LCORL: variants seen among roughly 807,000 people sequenced by gnomAD.
LCORL encodes ligand-dependent nuclear receptor corepressor-like protein.
LCORL carries 41 observed loss-of-function variants against 141.8 expected under a neutral mutation model. The ratio of observed to expected loss-of-function variants is 0.29; its 90% CI spans 0.23 to 0.38. The LOEUF is 0.38. Ranked by LOEUF, LCORL falls within the 10% of genes least tolerant of loss-of-function variation. LCORL has a pLI of 1.00. For missense variants in LCORL, 1,759 were observed against 2,035.0 expected (o/e 0.86, Z 2.61); for synonymous variants, 618 against 694.1 (o/e 0.89, Z 1.72).
intron 4 of LCORL, among the ~76,000 whole-genome samples, chr4:17,920,493 T>C (rs1261714679): frequency 6.6e-6 from 1 of 152,202 alleles, no homozygotes; most frequent in Non-Finnish European, 1.5e-5. Flanking sequence ...TGATGGCTGC[T>C]GAAGGGTGGG....
At chr4:18,001,859 A>G (rs1722022710) in intron 1 of LCORL, among the ~76,000 whole-genome samples, 1 of 152,198 alleles carries the variant, frequency 6.6e-6, no homozygotes, top group Non-Finnish European at 1.5e-5. Context: ...ATTTTTTTTA[A>G]AAGTCTCCCA....
chr4:17,917,629 C>T (rs1426097199), intron 4 of LCORL, among the ~76,000 whole-genome samples: 4 of 152,198 alleles, frequency 2.6e-5, no homozygotes, highest in Non-Finnish European at 5.9e-5. Context: ...GCTTATTGAG[C>T]TAAGATTAAA....
At chr4:17,941,147 C>T (rs1167409154) in intron 4 of LCORL, among the ~76,000 whole-genome samples, 7 of 152,086 alleles carry the variant, frequency 4.6e-5, no homozygotes, top group African/African-American at 1.4e-4. Flanking sequence ...GAGGCCGAGA[C>T]GGGCAGATCA....
intron 4 of LCORL, among the ~76,000 whole-genome samples, chr4:17,923,297 G>A (rs1734587912): frequency 2.6e-5 from 4 of 152,212 alleles, no homozygotes; most frequent in African/African-American, 9.6e-5. Flanking sequence ...GCAGCTTGGG[G>A]AGTTAAAAAA....
intron 4 of LCORL, among the ~76,000 whole-genome samples, chr4:17,960,672 C>A (rs1713593505): frequency 1.3e-5 from 2 of 152,012 alleles, no homozygotes; most frequent in African/African-American, 4.8e-5. Flanking sequence ...CCCAGTCTGG[C>A]CTTGAACAAA....
intron 4 of LCORL, among the ~76,000 whole-genome samples, chr4:17,938,040 T>C (rs1737167445): frequency 6.7e-6 from 1 of 150,034 alleles, no homozygotes; most frequent in Non-Finnish European, 1.5e-5. Flanking sequence ...GTTTCGCTCT[T>C]GTTTGCCCAG....
At chr4:17,862,794 C>T (rs1469083635) in intron 7 of LCORL, among the ~76,000 whole-genome samples, 3 of 152,090 alleles carry the variant, frequency 2.0e-5, no homozygotes, top group Non-Finnish European at 2.9e-5. Flanking sequence ...AATGAAATAC[C>T]ATTCTAGACA....
rs114080047 is a variant in LCORL, at chr4:17,912,263, C to A, written c.431-2918G>T. 1.2e-3 allele frequency: 867 copies of A among 702,346 alleles called. 3 individuals carry two copies. The highest frequency in any genetic ancestry group is 0.011 in the African/African-American group (641 of 57,116). 43.5% of individuals were successfully genotyped at this position (702,346 alleles called of 1,614,324 possible). On this transcript the variant is annotated intron_variant, in intron 4 of 7. Coordinates refer to ENST00000635767, the Ensembl canonical transcript of LCORL. ...AACATTATGGGCTCCTGCAAGGTCA[C>A]TGATGAAACCAATGTCACTTGGCTG...
At chr4:17,911,945 C>A in intron 4 of LCORL, 1 of 579,754 alleles carries the variant, frequency 1.7e-6, no homozygotes, top group Non-Finnish European at 3.3e-6. Context: ...AATGGCCAGA[C>A]CATGCAAAGC....
At chr4:17,941,008 C>T (rs1441703391) in intron 4 of LCORL, among the ~76,000 whole-genome samples, 6 of 152,078 alleles carry the variant, frequency 3.9e-5, no homozygotes, top group African/African-American at 7.2e-5. Context: ...GAACAACCTG[C>T]CAAGCAAAAT....
intron 1 of LCORL, among the ~76,000 whole-genome samples, chr4:17,973,246 TA>T (rs1269648506): frequency 6.6e-6 from 1 of 151,776 alleles, no homozygotes; most frequent in African/African-American, 2.4e-5. Context: ...ATGTTTGTTT[TA>T]AAAAAGTAAA....
At chr4:17,958,434 C>T (rs1713111572) in intron 4 of LCORL, among the ~76,000 whole-genome samples, 1 of 151,912 alleles carries the variant, frequency 6.6e-6, no homozygotes, top group South Asian at 2.1e-4. Flanking sequence ...AAAGATGAGA[C>T]ATCTTCCTGA....
chr4:17,911,739 C>T (rs779715435), intron 4 of LCORL: 23 of 471,336 alleles, frequency 4.9e-5, no homozygotes, highest in Non-Finnish European at 9.6e-5. Flanking sequence ...TCCAAGCGCC[C>T]AGCTATGGTG....
exon 7 of LCORL, chr4:17,876,181 T>G (rs1005362333): frequency 8.1e-7 from 1 of 1,231,026 alleles, no homozygotes; most frequent in Non-Finnish European, 1.0e-6. Context: ...TTTTCAACAC[T>G]GGAAATCAAG....
chr4:17,940,314 A>G (rs35787083), intron 4 of LCORL, among the ~76,000 whole-genome samples: 18,894 of 148,430 alleles, frequency 0.13, 1,343 homozygotes, highest in South Asian at 0.26. Context: ...ATTCTTAACT[A>G]TTTTGTGCAA....
chr4:17,883,267 TACA>T (rs1191685774), intron 6 of LCORL: 20 of 986,860 alleles, frequency 2.0e-5, no homozygotes, highest in East Asian at 2.3e-4. Context: ...TTGACATACA[TACA>T]ACAAGTGTTA....
intron 1 of LCORL, among the ~76,000 whole-genome samples, chr4:17,973,651 G>A (rs1460321443): frequency 2.0e-5 from 3 of 151,618 alleles, no homozygotes; most frequent in Non-Finnish European, 3.0e-5. Flanking sequence ...AGCCGTGTGT[G>A]GATTTGGGAG....
At chr4:17,875,241 G>A (rs1726792544) in exon 7 of LCORL, 5 of 1,231,334 alleles carry the variant, frequency 4.1e-6, no homozygotes, top group Non-Finnish European at 5.1e-6. Flanking sequence ...CACTTTTGCC[G>A]GTCTACCAGG....
intron 1 of LCORL, among the ~76,000 whole-genome samples, chr4:17,995,705 T>C (rs1284580129): frequency 6.6e-6 from 1 of 152,156 alleles, no homozygotes; most frequent in Non-Finnish European, 1.5e-5. Context: ...TTGCTCTATT[T>C]AAATGCTTCT....
Sources: gnomAD v4.1 joint callset for allele counts (sites outside exome capture counted in the v4.1 genomes callset) on GRCh38, gnomAD v4.1.1 for gene constraint, MANE v1.5 for transcripts, NCBI Gene and HGNC (gene_info 2026-07-23, HGNC 2026-07-21) for gene names.